The following MARCHF1 variants were observed in gnomAD, a reference collection of about 807,000 sequenced individuals.
MARCHF1 encodes E3 ubiquitin-protein ligase MARCHF1.
In MARCHF1, 40 loss-of-function variants were observed where a neutral mutation model predicts 54.2. The observed-to-expected ratio is 0.74, with a 90% CI of 0.57 to 0.96. The LOEUF is 0.96. MARCHF1 is among the 40% of genes least tolerant of loss of function. The pLI, the probability that MARCHF1 is intolerant of heterozygous loss-of-function variation, is 0.00. For synonymous variants in MARCHF1, 236 were observed against 236.3 expected (o/e 1.00, Z 0.01); for missense variants, 586 against 656.5 (o/e 0.89, Z 1.17).
At chr4:163,621,902 C>A (rs1741706990) in intron 5 of MARCHF1, among the ~76,000 whole-genome samples, 1 of 152,172 alleles carries the variant, frequency 6.6e-6, no homozygotes, top group African/African-American at 2.4e-5. Flanking sequence ...CTTGTTCTTC[C>A]CTTCCTGGGA....
chr4:163,987,678 C>T (rs1752896470), intron 3 of MARCHF1, among the ~76,000 whole-genome samples: 1 of 152,186 alleles, frequency 6.6e-6, no homozygotes, highest in Non-Finnish European at 1.5e-5. Flanking sequence ...AAGAAGATTA[C>T]AGTTTCCGGC....
chr4:163,576,897 C>T (rs1204365557), intron 8 of MARCHF1, among the ~76,000 whole-genome samples: 1 of 151,566 alleles, frequency 6.6e-6, no homozygotes, highest in Non-Finnish European at 1.5e-5. Context: ...TTCTGTTTTC[C>T]ATTTGCATGG....
chr4:164,106,509 C>T (rs1410671229), intron 2 of MARCHF1, among the ~76,000 whole-genome samples: 13 of 127,388 alleles, frequency 1.0e-4, no homozygotes, highest in East Asian at 4.3e-4. Context: ...AGTAAACTAT[C>T]GCAAGAACAA....
chr4:164,156,807 C>T (rs894409319), intron 1 of MARCHF1, among the ~76,000 whole-genome samples: 3 of 152,074 alleles, frequency 2.0e-5, no homozygotes, highest in Non-Finnish European at 4.4e-5. Context: ...AGACTATGCC[C>T]ATGTATCTGT....
At chr4:163,730,387 T>G (rs1745790350) in intron 4 of MARCHF1, among the ~76,000 whole-genome samples, 2 of 152,140 alleles carry the variant, frequency 1.3e-5, no homozygotes, top group African/African-American at 4.8e-5. Context: ...CCATCAAGAT[T>G]TTCTCAGAAA....
chr4:164,231,628 C>CTCATGGAGTATCTGA, intron 1 of MARCHF1, among the ~76,000 whole-genome samples: 1 of 152,164 alleles, frequency 6.6e-6, no homozygotes, highest in East Asian at 1.9e-4. Flanking sequence ...CATTTTGATA[C>CTCATGGAGTATCTGA]GCCATGGAGA....
chr4:163,626,142 G>A (rs945468620), intron 5 of MARCHF1, among the ~76,000 whole-genome samples: 2 of 152,198 alleles, frequency 1.3e-5, no homozygotes, highest in Non-Finnish European at 2.9e-5. Flanking sequence ...AAACAAACAG[G>A]AGGCCAGCTG....
At chr4:164,171,663 C>T (rs115407433) in intron 1 of MARCHF1, among the ~76,000 whole-genome samples, 2,272 of 152,196 alleles carry the variant, frequency 0.015, 55 homozygotes, top group African/African-American at 0.05. Context: ...AATTTAAGTA[C>T]ACTTTTAAGG....
intron 1 of MARCHF1, chr4:164,190,200 G>C: frequency 6.4e-7 from 1 of 1,556,736 alleles, no homozygotes; most frequent in Non-Finnish European, 8.8e-7. Context: ...AAGCCACCAA[G>C]CTGCTGACAT....
intron 1 of MARCHF1, among the ~76,000 whole-genome samples, chr4:164,371,356 A>G (rs1010928663): frequency 6.6e-6 from 1 of 152,210 alleles, no homozygotes; most frequent in Non-Finnish European, 1.5e-5. Flanking sequence ...AATACTACTT[A>G]AACAAGAAAT....
intron 4 of MARCHF1, among the ~76,000 whole-genome samples, chr4:163,759,343 T>C (rs1021607358): frequency 2.3e-4 from 35 of 152,328 alleles, no homozygotes; most frequent in African/African-American, 8.4e-4. Flanking sequence ...AGGTACATGA[T>C]AATGTGCCTT....
intron 5 of MARCHF1, among the ~76,000 whole-genome samples, chr4:163,689,423 G>T (rs149750048): frequency 2.0e-5 from 3 of 152,296 alleles, no homozygotes; most frequent in African/African-American, 7.2e-5. Flanking sequence ...TTTCTGTGAT[G>T]ATAGAAATAT....
At chr4:164,008,922 A>C (rs1407866937) in intron 2 of MARCHF1, among the ~76,000 whole-genome samples, 1 of 151,926 alleles carries the variant, frequency 6.6e-6, no homozygotes, top group Non-Finnish European at 1.5e-5. Flanking sequence ...CTCAAGGAAT[A>C]AAAAACCCAA....
At chr4:164,334,144 G>C (rs2110815655) in intron 1 of MARCHF1, among the ~76,000 whole-genome samples, 1 of 152,328 alleles carries the variant, frequency 6.6e-6, no homozygotes, top group Middle Eastern at 3.4e-3. Context: ...TATGGAAGCT[G>C]CAGCAGGTAA....
chr4:163,718,350 A>G (rs1487685527), intron 4 of MARCHF1, among the ~76,000 whole-genome samples: 1 of 152,258 alleles, frequency 6.6e-6, no homozygotes, highest in Non-Finnish European at 1.5e-5. Flanking sequence ...AGAAACTACC[A>G]TCAGAGTGAA....
In MARCHF1 at chr4:163,952,536, A is replaced by G. The variant is rs576342969; in HGVS notation, c.-39+35965T>C. On this transcript the variant is annotated intron_variant, in intron 3 of 9. Transcript: ENST00000514618. The stretch of plus-strand genomic sequence containing the variant: ...TTGCGTTTCTCAGCATGCATACCAT[A>G]CAACAAAAAGAGGGTCTGCATGAGG... 1.2e-4 allele frequency among the ~76,000 whole-genome samples: 19 copies of G among 152,354 alleles called. No individual in the cohort carries two copies. In the South Asian group the frequency reaches 3.1e-3, roughly 25 times the overall value.
Position 164,368,121 on chromosome 4 carries a change from A to C in MARCHF1, c.-323+15749T>G, listed in dbSNP as rs183465079. 3.8e-3 allele frequency among the ~76,000 whole-genome samples: 573 copies of C among 151,690 alleles called. 8 individuals carry two copies. Among genetic ancestry groups the C allele is most frequent in the African/African-American group, 0.013 (541 of 41,528 alleles). On this transcript the variant is annotated intron_variant, in intron 1 of 9. Transcript: ENST00000514618. ...TATCACTGAATGAACTAGAAAAAAA[A>C]AACCACAAAGAAATGGTTTTCTTTA...
chr4:163,794,435 A>G (rs1308642153), intron 4 of MARCHF1, among the ~76,000 whole-genome samples: 1 of 152,190 alleles, frequency 6.6e-6, no homozygotes, highest in Non-Finnish European at 1.5e-5. Context: ...TAAATAATAC[A>G]TTTGTATTGG....
At chr4:164,305,864 T>G (rs1734682545) in intron 1 of MARCHF1, among the ~76,000 whole-genome samples, 1 of 152,126 alleles carries the variant, frequency 6.6e-6, no homozygotes, top group Admixed American at 6.5e-5. Flanking sequence ...GACATATCAC[T>G]CTGTGTCCCC....
Sources: gnomAD v4.1 joint callset for allele counts (sites outside exome capture counted in the v4.1 genomes callset) on GRCh38, gnomAD v4.1.1 for gene constraint, MANE v1.5 for transcripts, NCBI Gene and HGNC (gene_info 2026-07-23, HGNC 2026-07-21) for gene names.